Variants in TPPP observed in about 807,000 individuals in gnomAD.
The protein encoded by TPPP is tubulin polymerization-promoting protein.
A neutral mutation model predicts 15.5 loss-of-function variants in TPPP; 6 were observed. The observed-to-expected ratio is 0.39, with a 90% confidence interval of 0.21 to 0.77. The LOEUF is 0.77. Ranked by LOEUF, TPPP falls within the 30% of genes least tolerant of loss-of-function variation. The probability of loss-of-function intolerance (pLI) is 0.42; values close to 1 mark genes in which losing one functional copy is unlikely to be tolerated. For synonymous variants in TPPP, 146 were observed against 133.9 expected (o/e 1.09, Z -0.63); for missense variants, 269 against 307.2 (o/e 0.88, Z 0.93).
Position 677,100 on chromosome 5 carries a change from C to T in TPPP, c.311+650G>A, listed in dbSNP as rs560207091. On this transcript the variant is annotated intron_variant, in intron 2 of 3. Coordinates refer to ENST00000360578, the MANE Select transcript of TPPP (RefSeq NM_007030.3). ...GTGCACACGACGCAGAAAAAGCAAA[C>T]GGCACGATGCGGTTTCAAGGTGGTG... Among the ~76,000 whole-genome samples, 4 of 152,260 alleles carry T rather than the reference C, an allele frequency of 2.6e-5. No homozygotes were observed. The East Asian group carries it at 7.7e-4, about 29-fold the overall frequency.
chr5:665,321 G>C (rs769452662), intron 3 of TPPP, 25 bp from the exon 4 acceptor site: 8 of 1,600,896 alleles, frequency 5.0e-6, no homozygotes, highest in Non-Finnish European at 6.8e-6. Flanking sequence ...GGAGGAAGGG[G>C]GCAGGTGAGT....
At position 677,961 on chromosome 5, in the gene TPPP, C is replaced by G. The variant is rs1187127409; in HGVS notation, c.100G>C (p.Glu34Gln). Residue 34 changes from glutamate to glutamine, a missense_variant, in exon 2 of 4, where the codon GAA becomes CAA. Transcript: ENST00000360578. ...KDRAAKRLSLESEGAGEGAAA... is the reference protein window; with the variant it reads ...KDRAAKRLSLQSEGAGEGAAA... ...GCCCCCTCACCAGCACCCTCCGATTCCAGCGACAGCCTCTTGGCTGCCCGG... is the reference window on the plus strand; with the variant it reads ...GCCCCCTCACCAGCACCCTCCGATTGCAGCGACAGCCTCTTGGCTGCCCGG... The G allele has an allele frequency of 6.2e-7, 1 of 1,611,012 alleles. No individual in the cohort carries two copies. Among genetic ancestry groups the G allele is most frequent in the Non-Finnish European group, 8.5e-7 (1 of 1,179,204 alleles).
chr5:678,566 G>A (rs1161513753), intron 1 of TPPP, among the ~76,000 whole-genome samples: 1 of 138,746 alleles, frequency 7.2e-6, no homozygotes, highest in East Asian at 1.9e-4. Flanking sequence ...CACAGCAGTC[G>A]TGCGACAGCC....
At chr5:698,131 T>G (rs1741046129), upstream of TPPP, among the ~76,000 whole-genome samples, 1 of 150,036 alleles carries the variant, frequency 6.7e-6, no homozygotes. Context: ...TGATAAAAAT[T>G]CTCAACAAAT....
chr5:666,419 C>T (rs1454468951), intron 2 of TPPP, among the ~76,000 whole-genome samples: 1 of 152,242 alleles, frequency 6.6e-6, no homozygotes, highest in African/African-American at 2.4e-5. Context: ...CGGAGCCCAC[C>T]TCCTCCTCCC....
rs1739555130 is a variant in TPPP, at chr5:660,688, A to G, written c.*4414T>C. 1 of 152,172 alleles carries G rather than the reference A, an allele frequency of 6.6e-6. No homozygotes were observed. The highest frequency in any genetic ancestry group is 1.9e-4 in the East Asian group (1 of 5,216). 9.4% of individuals were successfully genotyped at this position (152,172 alleles called of 1,614,324 possible). On this transcript the variant is annotated 3_prime_UTR_variant, in exon 4 of 4. Transcript: ENST00000360578. ...CTCCATCTCAACTCCTCCCCACTCC[A>G]CTTGTACAGCAGGAGCCACAGGCCT... is the stretch of plus-strand genomic sequence containing the variant.
chr5:678,917 C>T (rs961096687), intron 1 of TPPP, among the ~76,000 whole-genome samples: 5 of 152,166 alleles, frequency 3.3e-5, no homozygotes, highest in African/African-American at 1.2e-4. Context: ...CATGCATGGG[C>T]TTCGGTAAGA....
rs569398973 is a variant in TPPP at position 669,031 on chromosome 5, C to T, written c.312-2908G>A. On this transcript the variant is annotated intron_variant, in intron 2 of 3. Coordinates refer to ENST00000360578, the MANE Select transcript of TPPP (RefSeq NM_007030.3). The stretch of plus-strand genomic sequence containing the variant: ...AAGACACAACAGACACCATCAACAG[C>T]GCTGAGCCAAAGAAGAAATCGCGCT... 1.9e-4 allele frequency among the ~76,000 whole-genome samples: 29 copies of T among 152,356 alleles called. No individual in the cohort carries two copies. The East Asian group carries it at 2.3e-3, about 12-fold the overall frequency.
At chr5:676,911 A>G (rs1740461040) in intron 2 of TPPP, among the ~76,000 whole-genome samples, 2 of 105,670 alleles carry the variant, frequency 1.9e-5, no homozygotes, top group African/African-American at 7.3e-5. Context: ...ACGCGCGCAT[A>G]CACGACGCAG....
chr5:679,476 G>A (rs11739551), intron 1 of TPPP, among the ~76,000 whole-genome samples: 12,438 of 140,602 alleles, frequency 0.088, 1,123 homozygotes, highest in African/African-American at 0.19. Flanking sequence ...GTGTCGAGCT[G>A]GGAACAGTTT....
At position 680,543 on chromosome 5, in the gene TPPP, G is replaced by A. The variant is rs4247709; in HGVS notation, c.-4-2479C>T. 8.8e-3 allele frequency among the ~76,000 whole-genome samples: 1,291 copies of A among 147,330 alleles called. 39 individuals are homozygous for A. Among genetic ancestry groups the A allele is most frequent in the Admixed American group, 0.063 (915 of 14,604 alleles). On this transcript the variant is annotated intron_variant, in intron 1 of 3. Transcript: ENST00000360578. ...ATGCAGGAACCCATGGCCGTCACAC[G>A]GGAGTGAGTCCACGGGCGCTTGGGA...
At chr5:696,653 G>A (rs1180150773), upstream of TPPP, among the ~76,000 whole-genome samples, 2 of 97,978 alleles carry the variant, frequency 2.0e-5, no homozygotes, top group Admixed American at 1.0e-4. Context: ...AAGCCTCATG[G>A]GGGTGTTGAA....
intron 2 of TPPP, among the ~76,000 whole-genome samples, chr5:677,055 GCA>G (rs1421213202): frequency 6.7e-6 from 1 of 149,360 alleles, no homozygotes; most frequent in Non-Finnish European, 1.5e-5. Flanking sequence ...GCACACACGT[GCA>G]CACAGAAACG....
At chr5:672,171 C>G (rs926213191) in intron 2 of TPPP, among the ~76,000 whole-genome samples, 6 of 152,208 alleles carry the variant, frequency 3.9e-5, no homozygotes, top group Non-Finnish European at 2.9e-5. Context: ...TACCGGCCCT[C>G]CACACTTGGG....
chr5:668,815 T>C (rs1156234744), intron 2 of TPPP, among the ~76,000 whole-genome samples: 1 of 152,226 alleles, frequency 6.6e-6, no homozygotes, highest in East Asian at 1.9e-4. Context: ...AGTGCTGTGA[T>C]GTGTGCGCAC....
chr5:678,570 G>A lies in TPPP; in HGVS notation c.-4-506C>T, dbSNP rs957201538. Among the ~76,000 whole-genome samples the A allele has an allele frequency of 1.0e-4, 14 of 138,368 alleles. 3 individuals are homozygous for A. The highest frequency in any genetic ancestry group is 4.6e-4 in the African/African-American group (13 of 28,480). 90.8% of individuals were successfully genotyped at this position (138,368 alleles called of 152,430 possible). On this transcript the variant is annotated intron_variant, in intron 1 of 3. Coordinates refer to ENST00000360578, the MANE Select transcript of TPPP (RefSeq NM_007030.3). Reference sequence around the variant, plus strand: ...CTGGGAGGGTCCACAGCAGTCGTGCGACAGCCGCTCCCTCCCCACTGCAGA... The same window carrying A: ...CTGGGAGGGTCCACAGCAGTCGTGCAACAGCCGCTCCCTCCCCACTGCAGA...
In TPPP at chr5:680,141, G is replaced by A. The variant is rs1350349068; in HGVS notation, c.-4-2077C>T. Among the ~76,000 whole-genome samples, 6 of 104,482 alleles carry A rather than the reference G, an allele frequency of 5.7e-5. No homozygotes were observed. The East Asian group carries it at 1.5e-3, about 25-fold the overall frequency. 68.5% of individuals were successfully genotyped at this position (104,482 alleles called of 152,430 possible). A position where few individuals can be genotyped will look rare whatever the true frequency, so the allele number is the denominator to read the frequency against. ...AGTCACGACGCGTGAGAACGGTCCG[G>A]CCCGCGGCCCCTGCGCCCCTGCTGG... is the stretch of plus-strand genomic sequence containing the variant. On this transcript the variant is annotated intron_variant, in intron 1 of 3. Coordinates refer to ENST00000360578, the MANE Select transcript of TPPP (RefSeq NM_007030.3).
rs140180635 is a variant in TPPP at position 666,573 on chromosome 5, G to A, written c.312-450C>T. On this transcript the variant is annotated intron_variant, in intron 2 of 3. Coordinates refer to ENST00000360578, the MANE Select transcript of TPPP (RefSeq NM_007030.3). ...ATGGTTAGGAGGGGCTGCCGCCCCC[G>A]GACACTTGGCAGCATGGGCGCAGGC... 4.9e-3 allele frequency among the ~76,000 whole-genome samples: 751 copies of A among 152,298 alleles called. 6 individuals are homozygous for A. Among genetic ancestry groups the A allele is most frequent in the Non-Finnish European group, 8.4e-3 (574 of 68,018 alleles).
rs1489435847 is a variant in TPPP at position 677,915 on chromosome 5, C to A, written c.146G>T (p.Ser49Ile). The A allele has an allele frequency of 6.2e-7, 1 of 1,612,814 alleles. No homozygotes were observed. The highest frequency in any genetic ancestry group is 8.5e-7 in the Non-Finnish European group (1 of 1,179,876). ...GCGCCGGAAGGCCTCCTCCAGGGCA[C>A]TGAGCTCAGGGGATGCGGCTGCCCC... ...GEGAAASPEL[S>I]ALEEAFRRFA... The change falls in exon 2 of 4, where the codon AGT (serine) becomes ATT (isoleucine). Residue 49 changes from serine to isoleucine, a missense_variant. Ser to Ile is a moderately radical substitution (Grantham distance 142). Transcript: ENST00000360578.
Sources: gnomAD v4.1 joint callset for allele counts (sites outside exome capture counted in the v4.1 genomes callset) on GRCh38, gnomAD v4.1.1 for gene constraint, MANE v1.5 for transcripts, NCBI Gene and HGNC (gene_info 2026-07-23, HGNC 2026-07-21) for gene names.